The following RPH3AL variants were observed in gnomAD, a reference collection of about 807,000 sequenced individuals.
RPH3AL encodes rab effector Noc2.
Under a neutral mutation model 43.1 loss-of-function variants are expected in RPH3AL, and 38 were observed. The observed-to-expected ratio is 0.88, with a 90% CI of 0.68 to 1.15. The LOEUF is 1.15. Ranked by LOEUF, RPH3AL falls within the 50% of genes most tolerant of loss-of-function variation. The pLI is 0.00. For missense variants in RPH3AL, 462 were observed against 423.2 expected, an observed-to-expected ratio of 1.09 and a Z score of -0.81; for synonymous variants, 189 against 176.3, an observed-to-expected ratio of 1.07 and a Z score of -0.57.
intron 4 of RPH3AL, 47 bp downstream of exon 4, chr17:321,225 A>T: frequency 6.3e-7 from 1 of 1,581,656 alleles, no homozygotes; most frequent in Non-Finnish European, 8.6e-7. Flanking sequence ...CGCTTGCGCC[A>T]AAGCCCTTGC....
intron 5 of RPH3AL, among the ~76,000 whole-genome samples, chr17:310,693 A>C (rs149258248): frequency 6.6e-6 from 1 of 152,148 alleles, no homozygotes; most frequent in African/African-American, 2.4e-5. Flanking sequence ...GCTGTAATTA[A>C]TTACCCTTAA....
intron 6 of RPH3AL, among the ~76,000 whole-genome samples, chr17:267,195 T>A (rs940024766): frequency 2.0e-5 from 3 of 152,252 alleles, no homozygotes; most frequent in Non-Finnish European, 4.4e-5. Flanking sequence ...AATGACACTT[T>A]CATCTGCTGC....
chr17:294,625 T>A (rs1180667000), intron 5 of RPH3AL, among the ~76,000 whole-genome samples: 1,833 of 59,850 alleles, frequency 0.031, 38 homozygotes, highest in Middle Eastern at 0.039. Flanking sequence ...GGGACACAGA[T>A]GCTGCAGAAA....
At chr17:306,914 C>T (rs978415931) in intron 5 of RPH3AL, among the ~76,000 whole-genome samples, 14 of 152,168 alleles carry the variant, frequency 9.2e-5, no homozygotes, top group African/African-American at 3.1e-4. Context: ...GCGCCCGATG[C>T]CCCCACACTT....
intron 8 of RPH3AL, among the ~76,000 whole-genome samples, chr17:217,230 C>T (rs1415013428): frequency 3.1e-5 from 3 of 96,052 alleles, no homozygotes; most frequent in African/African-American, 6.6e-5. Flanking sequence ...TCGTTCCCAT[C>T]TGGGGCAGTT....
At chr17:272,712 G>T (rs1054660755) in intron 6 of RPH3AL, among the ~76,000 whole-genome samples, 8 of 150,500 alleles carry the variant, frequency 5.3e-5, no homozygotes, top group Admixed American at 2.7e-4. Context: ...CAGATGTAAC[G>T]AACCTGCACA....
At chr17:253,282 G>C (rs1567587344) in intron 6 of RPH3AL, among the ~76,000 whole-genome samples, 2 of 152,166 alleles carry the variant, frequency 1.3e-5, no homozygotes, top group African/African-American at 2.4e-5. Context: ...AACGGGGAGT[G>C]GCCAGGTTGA....
Position 213,659 on chromosome 17 carries a change from A to G in RPH3AL, c.*193T>C. ...GGGCAGTGGTTGGAGGGGGTGGCGG[A>G]TGCAGACAGCTCCCCAGGAGAGAAG... On this transcript the variant is annotated 3_prime_UTR_variant, in exon 10 of 10. Transcript: ENST00000331302. The G allele has an allele frequency of 1.6e-6, 1 of 611,658 alleles. No individual in the cohort carries two copies. The highest frequency in any genetic ancestry group is 2.9e-6 in the Non-Finnish European group (1 of 340,330). 37.9% of individuals were successfully genotyped at this position (611,658 alleles called of 1,614,324 possible).
At chr17:311,371 G>A (rs1188946465) in intron 5 of RPH3AL, among the ~76,000 whole-genome samples, 2 of 152,092 alleles carry the variant, frequency 1.3e-5, no homozygotes, top group Non-Finnish European at 2.9e-5. Flanking sequence ...CCAGCTTCCG[G>A]CCTCAGCCTG....
chr17:276,130 C>G (rs1422831500), intron 6 of RPH3AL, among the ~76,000 whole-genome samples: 1 of 152,170 alleles, frequency 6.6e-6, no homozygotes, highest in Non-Finnish European at 1.5e-5. Flanking sequence ...AATCAGGAAT[C>G]AAACATTTAA....
Position 333,094 on chromosome 17 carries a change from C to T in RPH3AL, c.-37+665G>A, listed in dbSNP as rs62054987. ...TCTCTCTAAAGTCGAGAGCTCACCA[C>T]CCCGGGCGTTCGTCACTGCAGACAT... On this transcript the variant is annotated intron_variant, in intron 2 of 9. Transcript: ENST00000331302. This position sits in a 1 kb window ranked among gnomAD's most constrained non-coding sequence, Gnocchi z 4.5. The T allele has an allele frequency of 4.7e-6, 6 of 1,287,630 alleles. No individual in the cohort carries two copies. The highest frequency in any genetic ancestry group is 1.2e-5 in the South Asian group (1 of 80,904). 79.8% of individuals were successfully genotyped at this position (1,287,630 alleles called of 1,614,324 possible).
At position 246,607 on chromosome 17, in the gene RPH3AL, C is replaced by T. The variant is rs545484796; in HGVS notation, c.613+504G>A. Among the ~76,000 whole-genome samples the T allele has an allele frequency of 9.9e-5, 15 of 152,196 alleles. No homozygotes were observed. Among genetic ancestry groups the T allele is most frequent in the Non-Finnish European group, 1.5e-5 (1 of 68,004 alleles). ...CCATCGTTGCCAAGTGGGGCGGCCA[C>T]CTGAGACACACACACCTTACTGTAG... On this transcript the variant is annotated intron_variant, in intron 7 of 9. Transcript: ENST00000331302. This position sits in a 1 kb window ranked among gnomAD's most constrained non-coding sequence, Gnocchi z 4.8.
intron 6 of RPH3AL, among the ~76,000 whole-genome samples, chr17:249,689 A>T (rs879990465): frequency 7.2e-4 from 109 of 152,318 alleles, no homozygotes; most frequent in Non-Finnish European, 1.5e-3. Flanking sequence ...AAAAAAAAAA[A>T]AAAGGTTTCT....
In RPH3AL at chr17:281,763, C is replaced by T. The variant is rs1414482791; in HGVS notation, c.438+5G>A. On this transcript the variant is annotated splice_donor_5th_base_variant and intron_variant, in intron 6 of 9. Transcript: ENST00000331302. ...CCCTCCCCACCGTCACCCTGGACGC[C>T]CTACCTCTCTTTGCTCACTGCAGAT... The T allele has an allele frequency of 6.2e-7, 1 of 1,613,208 alleles. No homozygotes were observed. The highest frequency in any genetic ancestry group is 1.1e-5 in the South Asian group (1 of 91,036).
At chr17:229,342 G>A (rs747027050) in intron 7 of RPH3AL, among the ~76,000 whole-genome samples, 16 of 152,212 alleles carry the variant, frequency 1.1e-4, no homozygotes, top group Non-Finnish European at 1.9e-4. Context: ...TGGGCAAAGC[G>A]GTTACTCAGG....
chr17:299,025 A>G (rs1382404727), intron 5 of RPH3AL, among the ~76,000 whole-genome samples: 3 of 147,810 alleles, frequency 2.0e-5, no homozygotes, highest in Non-Finnish European at 4.5e-5. Context: ...GGTGTTTTCG[A>G]CTTTATGCTG....
intron 6 of RPH3AL, among the ~76,000 whole-genome samples, chr17:273,922 AC>A (rs921215904): frequency 2.0e-5 from 3 of 151,434 alleles, no homozygotes; most frequent in Non-Finnish European, 4.4e-5. Flanking sequence ...TTTCTAGGCC[AC>A]CCCCCCTCAG....
At chr17:258,300 G>T (rs1555545094) in intron 6 of RPH3AL, among the ~76,000 whole-genome samples, 1 of 152,208 alleles carries the variant, frequency 6.6e-6, no homozygotes, top group African/African-American at 2.4e-5. Flanking sequence ...CATCGTAGGT[G>T]TTCAGTAAAC....
At chr17:306,551 T>C (rs1003698319) in intron 5 of RPH3AL, 6 of 152,198 alleles carry the variant, frequency 3.9e-5, no homozygotes, top group Admixed American at 2.0e-4. Context: ...CTAACTCCTG[T>C]CTTCAGAGTC....
Sources: allele counts gnomAD v4.1 joint callset (sites outside exome capture counted in the v4.1 genomes callset), GRCh38; gene constraint gnomAD v4.1.1; non-coding constraint Gnocchi (gnomAD v3.1); transcripts MANE v1.5; gene names NCBI Gene and HGNC (gene_info 2026-07-23, HGNC 2026-07-21).